ADSL: variants seen among roughly 807,000 people sequenced by gnomAD.
ADSL encodes adenylosuccinase.
ADSL carries 44 observed loss-of-function variants against 62.1 expected under a neutral mutation model. The observed-to-expected ratio is 0.71, with a 90% CI of 0.56 to 0.91. The LOEUF is 0.91. Among genes scored for constraint, ADSL ranks in the 40% least tolerant of loss-of-function variants. The pLI is 0.00. For missense variants in ADSL, 531 were observed against 627.4 expected (o/e 0.85, Z 1.64); for synonymous variants, 198 against 220.5 (o/e 0.90, Z 0.90).
rs3788579 is a variant in ADSL, at chr22:40,346,985, T to C, written c.153+274T>C. Among the ~76,000 whole-genome samples, 31,909 of 152,118 alleles carry C rather than the reference T, an allele frequency of 0.21. 3,817 individuals are homozygous for C. Among genetic ancestry groups the C allele is most frequent in the Admixed American group, 0.37 (5,705 of 15,296 alleles). On this transcript the variant is annotated intron_variant, in intron 1 of 12. Transcript: ENST00000623063. ...CAGCCTGTAGTTTCAGGGAATTCATTTTGGCCATCCCCGCAGGAGTACGCT... is the reference window on the plus strand; with the variant it reads ...CAGCCTGTAGTTTCAGGGAATTCATCTTGGCCATCCCCGCAGGAGTACGCT...
chr22:40,384,243 T>TAAC (rs1313750857), intron 2 of ADSL, among the ~76,000 whole-genome samples: 1 of 151,370 alleles, frequency 6.6e-6, no homozygotes, highest in African/African-American at 2.4e-5. Context: ...ACCCTGTCTC[T>TAAC]AACAACAACA....
At chr22:40,374,597 A>C (rs2046230695) in intron 2 of ADSL, among the ~76,000 whole-genome samples, 1 of 152,170 alleles carries the variant, frequency 6.6e-6, no homozygotes, top group Non-Finnish European at 1.5e-5. Context: ...TATCTGTTGA[A>C]TGGGGCCCAG....
At chr22:40,380,194 T>C (rs1170913521) in intron 2 of ADSL, among the ~76,000 whole-genome samples, 1 of 152,178 alleles carries the variant, frequency 6.6e-6, no homozygotes, top group Non-Finnish European at 1.5e-5. Context: ...TGTTCTTGTA[T>C]GACTATTAAC....
At position 40,360,522 on chromosome 22, in the gene ADSL, C is replaced by T. The variant is rs200803776; in HGVS notation, c.792+30C>T. ...GTGGTGGCAGCATGTGGGGTGGGGA[C>T]AGGAGCTTTGGGCACCACAGACAGA... On this transcript the variant is annotated intron_variant, in intron 7 of 12. Coordinates refer to ENST00000623063, the MANE Select transcript of ADSL (RefSeq NM_000026.4). The T allele has an allele frequency of 6.4e-6, 10 of 1,554,434 alleles. No homozygotes were observed. In the East Asian group the frequency reaches 1.8e-4, roughly 28 times the overall value.
rs548641205 is a variant in ADSL, at chr22:40,346,798, C to A, written c.153+87C>A. 73 of 1,384,280 alleles carry A rather than the reference C, an allele frequency of 5.3e-5. 1 individual carries two copies. In the South Asian group the frequency reaches 8.8e-4, roughly 17 times the overall value. 85.7% of individuals were successfully genotyped at this position (1,384,280 alleles called of 1,614,324 possible). On this transcript the variant is annotated intron_variant, in intron 1 of 12. Coordinates refer to ENST00000623063, the MANE Select transcript of ADSL (RefSeq NM_000026.4). The stretch of plus-strand genomic sequence containing the variant: ...GGCTCTGTTCCGGGCTGGGCTTAGC[C>A]ACCCCGGAGCTGCGGCCCGGCTATT...
At chr22:40,360,656 T>C (rs2044747980) in intron 7 of ADSL, among the ~76,000 whole-genome samples, 164 bp downstream of exon 7, 1 of 152,208 alleles carries the variant, frequency 6.6e-6, no homozygotes, top group Admixed American at 6.5e-5. Context: ...AGACTCGTTT[T>C]GGCATTTTCT....
chr22:40,385,412 C>T (rs566721419), intron 2 of ADSL, among the ~76,000 whole-genome samples: 2 of 151,828 alleles, frequency 1.3e-5, no homozygotes, highest in South Asian at 2.1e-4. Flanking sequence ...GCAGTGGACA[C>T]GAAGCCATTG....
At chr22:40,349,478 G>A (rs2044264781) in intron 1 of ADSL, among the ~76,000 whole-genome samples, 1 of 151,020 alleles carries the variant, frequency 6.6e-6, no homozygotes, top group South Asian at 2.1e-4. Context: ...GGGTTCAAGC[G>A]ATTCTCCAAC....
At chr22:40,349,585 A>G (rs1030283362) in intron 1 of ADSL, among the ~76,000 whole-genome samples, 15 of 152,022 alleles carry the variant, frequency 9.9e-5, no homozygotes, top group African/African-American at 3.6e-4. Context: ...GTTGTTGCCC[A>G]GGCTGGTCTG....
chr22:40,353,201 T>A, intron 3 of ADSL, 84 bp downstream of exon 3: 1 of 1,101,340 alleles, frequency 9.1e-7, no homozygotes, highest in Non-Finnish European at 1.4e-6. Flanking sequence ...ATCAACACAG[T>A]GTAAATTTTT....
chr22:40,363,139 G>C, intron 10 of ADSL, 68 bp downstream of exon 10: 1 of 1,470,996 alleles, frequency 6.8e-7, no homozygotes, highest in Non-Finnish European at 9.5e-7. Flanking sequence ...GGGTGCTCTG[G>C]GGTGTGTTGA....
chr22:40,384,470 T>TA (rs552105216), intron 2 of ADSL, among the ~76,000 whole-genome samples: 179 of 151,370 alleles, frequency 1.2e-3, no homozygotes, highest in Middle Eastern at 6.8e-3. Flanking sequence ...AAACAAAAAT[T>TA]AAAAAAAAAT....
chr22:40,347,852 T>C (rs535309909), intron 1 of ADSL, among the ~76,000 whole-genome samples: 2 of 152,342 alleles, frequency 1.3e-5, no homozygotes, highest in South Asian at 4.1e-4. Flanking sequence ...TTGGCGTAGA[T>C]AGCGATAGTA....
Sources: gnomAD v4.1 joint callset for allele counts (sites outside exome capture counted in the v4.1 genomes callset) on GRCh38, gnomAD v4.1.1 for gene constraint, MANE v1.5 for transcripts, NCBI Gene and HGNC (gene_info 2026-07-23, HGNC 2026-07-21) for gene names.